The following DROSHA variants were observed in gnomAD, a reference collection of about 807,000 sequenced individuals.
DROSHA encodes ribonuclease 3.
In DROSHA, 56 loss-of-function variants were observed where a neutral mutation model predicts 181.9. That is an observed-to-expected ratio of 0.31 (90% CI 0.25 to 0.38). The LOEUF (loss-of-function observed/expected upper bound fraction) is 0.38, where lower values mean the gene tolerates loss of function less well. DROSHA is among the 10% of genes least tolerant of loss of function. The pLI is 1.00. For synonymous variants in DROSHA, 524 were observed against 591.2 expected (o/e 0.89, Z 1.65); for missense variants, 1,218 against 1,743.5 (o/e 0.70, Z 5.37).
chr5:31,492,684 T>C (rs1462945849), intron 13 of DROSHA, among the ~76,000 whole-genome samples: 1 of 152,178 alleles, frequency 6.6e-6, no homozygotes, highest in African/African-American at 2.4e-5. Context: ...GAACTTCCAT[T>C]TGAACCAATT....
intron 10 of DROSHA, among the ~76,000 whole-genome samples, chr5:31,507,589 C>T (rs946679799): frequency 9.9e-5 from 15 of 151,634 alleles, no homozygotes; most frequent in Non-Finnish European, 2.2e-4. Context: ...GCACTCCAGC[C>T]GGGGCAACAG....
rs1489052479 is a variant in DROSHA at position 31,411,540 on chromosome 5, A to AC, written c.3526-654_3526-653insG. Among the ~76,000 whole-genome samples, 1 of 152,186 alleles carries AC rather than the reference A, an allele frequency of 6.6e-6. No individual in the cohort carries two copies. The highest frequency in any genetic ancestry group is 2.4e-5 in the African/African-American group (1 of 41,452). Reference sequence around the variant, plus strand: ...AAGTGAGGTTTAAGTAAATACTATGAAAAGATTTAAATTATTTATTTACAT... The same window carrying AC: ...AAGTGAGGTTTAAGTAAATACTATGACAAAGATTTAAATTATTTATTTACAT... On this transcript the variant is annotated intron_variant, in intron 30 of 35. Transcript: ENST00000344624. This position sits in a 1 kb window ranked among gnomAD's most constrained non-coding sequence, Gnocchi z 4.2.
chr5:31,410,234 T>C (rs1343253328), intron 31 of DROSHA, among the ~76,000 whole-genome samples: 1 of 152,232 alleles, frequency 6.6e-6, no homozygotes, highest in Non-Finnish European at 1.5e-5. Flanking sequence ...AATACAACTA[T>C]GTGTATAATC....
chr5:31,472,497 A>G (rs558100596), intron 16 of DROSHA, among the ~76,000 whole-genome samples: 2 of 152,330 alleles, frequency 1.3e-5, no homozygotes, highest in Admixed American at 1.3e-4. Context: ...TTTGTGAGGT[A>G]TGAATATAAA....
chr5:31,464,404 A>G (rs1188300520), intron 19 of DROSHA, 61 bp from the exon 20 acceptor site: 3 of 1,445,832 alleles, frequency 2.1e-6, no homozygotes, highest in Non-Finnish European at 1.9e-6. Flanking sequence ...TAAGCCAAAC[A>G]TCAAGCATTA....
intron 20 of DROSHA, among the ~76,000 whole-genome samples, chr5:31,453,788 T>C (rs1197681217): frequency 6.6e-6 from 1 of 152,206 alleles, no homozygotes; most frequent in Non-Finnish European, 1.5e-5. Context: ...CGTGTCCATC[T>C]TGAATCCCAG....
chr5:31,490,068 G>C (rs534834696), intron 13 of DROSHA, among the ~76,000 whole-genome samples: 1 of 151,772 alleles, frequency 6.6e-6, no homozygotes, highest in Non-Finnish European at 1.5e-5. Flanking sequence ...TAGAGACAGG[G>C]TTTCACTATA....
intron 18 of DROSHA, 114 bp from the exon 19 acceptor site, chr5:31,466,395 TTCTTAA>T (rs1373889321): frequency 2.4e-6 from 2 of 851,018 alleles, no homozygotes; most frequent in African/African-American, 3.4e-5. Flanking sequence ...CTTTTGATTA[TTCTTAA>T]TGGCAGAAAG....
rs146720884 is a variant in DROSHA at position 31,509,074 on chromosome 5, C to T, written c.1433-299G>A. Among the ~76,000 whole-genome samples, 1,515 of 152,184 alleles carry T rather than the reference C, an allele frequency of 1.0e-2. 9 individuals carry two copies. The highest frequency in any genetic ancestry group is 0.014 in the Admixed American group (218 of 15,290). Reference sequence around the variant, plus strand: ...CTGACCTCAGGTGAAACACCCGTCTCGGCCTCCTAAAGTGCTGGGATTATA... The same window carrying T: ...CTGACCTCAGGTGAAACACCCGTCTTGGCCTCCTAAAGTGCTGGGATTATA... On this transcript the variant is annotated intron_variant, in intron 9 of 35. Coordinates refer to ENST00000344624, the MANE Select transcript of DROSHA (RefSeq NM_001382508.1).
chr5:31,503,623 T>C (rs1241937500), intron 11 of DROSHA, among the ~76,000 whole-genome samples: 1 of 152,130 alleles, frequency 6.6e-6, no homozygotes, highest in African/African-American at 2.4e-5. Context: ...CACACAAAAA[T>C]TCTGACAAGC....
intron 16 of DROSHA, among the ~76,000 whole-genome samples, chr5:31,481,026 A>G (rs988340362): frequency 6.6e-6 from 1 of 151,284 alleles, no homozygotes; most frequent in African/African-American, 2.4e-5. Context: ...GATGCAAATC[A>G]TATACTAGTA....
At chr5:31,469,625 C>T (rs1220933559) in intron 17 of DROSHA, among the ~76,000 whole-genome samples, 2 of 152,190 alleles carry the variant, frequency 1.3e-5, no homozygotes, top group Non-Finnish European at 2.9e-5. Flanking sequence ...GAATAGAATG[C>T]TATTGAATTA....
intron 26 of DROSHA, 68 bp from the exon 27 acceptor site, chr5:31,429,613 A>G (rs1743909253): frequency 2.2e-6 from 3 of 1,387,458 alleles, no homozygotes; most frequent in Non-Finnish European, 3.0e-6. Context: ...ACATATCTCT[A>G]TAATAAAGCA....
At chr5:31,453,252 G>A (rs1747244144) in intron 20 of DROSHA, among the ~76,000 whole-genome samples, 1 of 152,152 alleles carries the variant, frequency 6.6e-6, no homozygotes, top group Admixed American at 6.5e-5. Flanking sequence ...CTAGAGTGCA[G>A]TGACACAATC....
intron 9 of DROSHA, among the ~76,000 whole-genome samples, chr5:31,510,096 G>C (rs1738502046): frequency 7.3e-6 from 1 of 136,380 alleles, no homozygotes; most frequent in Non-Finnish European, 1.6e-5. Context: ...ATCCTACATA[G>C]TGAGATTCCA....
At chr5:31,499,143 C>G (rs1480702768) in intron 11 of DROSHA, among the ~76,000 whole-genome samples, 4 of 152,202 alleles carry the variant, frequency 2.6e-5, no homozygotes, top group African/African-American at 9.7e-5. Flanking sequence ...AAAGGCCCAG[C>G]CATTTCAGCC....
Position 31,422,835 on chromosome 5 carries a change from A to G in DROSHA, c.3371T>C (p.Leu1124Pro). Residue 1124 changes from leucine (L) to proline (P), a missense_variant, in exon 29 of 36, where the codon CTG becomes CCG. This residue lies in a region of DROSHA where 23 missense variants were observed against 90.6 expected (regional missense o/e 0.25). Coordinates refer to ENST00000344624, the MANE Select transcript of DROSHA (RefSeq NM_001382508.1). Reference protein sequence around the residue: ...IGVIFTHVRLLARAFTLRTVG... With the variant: ...IGVIFTHVRLPARAFTLRTVG... ...AGTTCTCAATGTGAATGCCCTTGCCAGAAGTCGAACATGAGTAAAAATTAC... is the reference window on the plus strand; with the variant it reads ...AGTTCTCAATGTGAATGCCCTTGCCGGAAGTCGAACATGAGTAAAAATTAC... 6.2e-7 allele frequency: 1 copy of G among 1,613,814 alleles called. No individual in the cohort carries two copies. Among genetic ancestry groups the G allele is most frequent in the Non-Finnish European group, 8.5e-7 (1 of 1,179,786 alleles).
At chr5:31,455,146 A>G (rs1747496024) in intron 20 of DROSHA, among the ~76,000 whole-genome samples, 1 of 152,106 alleles carries the variant, frequency 6.6e-6, no homozygotes, top group Non-Finnish European at 1.5e-5. Context: ...GCATTTCAAG[A>G]TTAAACAAGA....
chr5:31,484,373 T>A lies in DROSHA; in HGVS notation c.1996+508A>T, dbSNP rs1580255943. 4.5e-5 allele frequency among the ~76,000 whole-genome samples: 4 copies of A among 89,670 alleles called. No homozygotes were observed. The East Asian group carries it at 1.4e-3, about 30-fold the overall frequency. 58.8% of individuals were successfully genotyped at this position (89,670 alleles called of 152,430 possible). Reference sequence around the variant, plus strand: ...TCCGGCCTGGGCGACAGAGCGAGACTCCGTCTCAAAAAAAAAAAAAAAAAA... The same window carrying A: ...TCCGGCCTGGGCGACAGAGCGAGACACCGTCTCAAAAAAAAAAAAAAAAAA... On this transcript the variant is annotated intron_variant, in intron 15 of 35. Coordinates refer to ENST00000344624, the MANE Select transcript of DROSHA (RefSeq NM_001382508.1).
Sources: gnomAD v4.1 joint callset for allele counts (sites outside exome capture counted in the v4.1 genomes callset) on GRCh38, gnomAD v4.1.1 for gene constraint, gnomAD v4.1.1 regional missense constraint, Gnocchi (gnomAD v3.1) non-coding constraint, MANE v1.5 for transcripts, NCBI Gene and HGNC (gene_info 2026-07-23, HGNC 2026-07-21) for gene names.